Variants in HHLA1 observed in about 807,000 individuals in gnomAD.
The protein encoded by HHLA1 is HERV-H LTR-associating protein 1.
HHLA1 carries 72 observed loss-of-function variants against 69.9 expected under a neutral mutation model. The ratio of observed to expected loss-of-function variants is 1.03; its 90% CI spans 0.85 to 1.25. The LOEUF (loss-of-function observed/expected upper bound fraction) is 1.25, where lower values mean the gene tolerates loss of function less well. Among genes scored for constraint, HHLA1 ranks in the 50% most tolerant of loss-of-function variants. HHLA1 has a pLI of 0.00. For missense variants in HHLA1, 685 were observed against 642.2 expected (o/e 1.07, Z -0.72); for synonymous variants, 252 against 233.2 (o/e 1.08, Z -0.73).
Position 132,078,624 on chromosome 8 carries a change from T to C in HHLA1, c.926-653A>G, listed in dbSNP as rs149344804. ...AGCCTGTGTCTCCTCTATGCCGGGG[T>C]AGGAGCCCTCTCTGTGTTCTCTGTG... is the stretch of plus-strand genomic sequence containing the variant. On this transcript the variant is annotated intron_variant, in intron 11 of 16. Coordinates refer to ENST00000414222, the MANE Select transcript of HHLA1 (RefSeq NM_001145095.3). 5.8e-3 allele frequency among the ~76,000 whole-genome samples: 879 copies of C among 152,284 alleles called. 7 individuals carry two copies. The highest frequency in any genetic ancestry group is 0.031 in the Middle Eastern group (9 of 294).
chr8:132,095,024 C>G (rs544125192), intron 7 of HHLA1, among the ~76,000 whole-genome samples: 1 of 152,322 alleles, frequency 6.6e-6, no homozygotes, highest in African/African-American at 2.4e-5. Flanking sequence ...CTCTTTTAAC[C>G]AACATTCTTC....
chr8:132,074,518 G>A (rs1655423937), intron 14 of HHLA1, among the ~76,000 whole-genome samples: 1 of 152,080 alleles, frequency 6.6e-6, no homozygotes, highest in Admixed American at 6.5e-5. Context: ...AATAGGCCTA[G>A]CATAGTACCT....
At chr8:132,071,574 A>C in intron 14 of HHLA1, 81 bp from the exon 15 acceptor site, 1 of 1,346,530 alleles carries the variant, frequency 7.4e-7, no homozygotes, top group Non-Finnish European at 1.0e-6. Context: ...GCATCAGGTG[A>C]ATATAGTCTT....
chr8:132,105,532 C>T (rs1293044547), intron 1 of HHLA1, among the ~76,000 whole-genome samples: 8 of 152,210 alleles, frequency 5.3e-5, no homozygotes, highest in Non-Finnish European at 8.8e-5. Context: ...CACATAGTCA[C>T]TCAGGGACCC....
At chr8:132,089,683 A>C in intron 7 of HHLA1, 84 bp from the exon 8 acceptor site, 1 of 737,370 alleles carries the variant, frequency 1.4e-6, no homozygotes, top group Non-Finnish European at 2.4e-6. Flanking sequence ...TTTCAGAGTA[A>C]ATTTTACAAG....
intron 7 of HHLA1, among the ~76,000 whole-genome samples, chr8:132,090,444 T>C (rs1347145552): frequency 1.3e-5 from 2 of 152,252 alleles, no homozygotes; most frequent in Admixed American, 6.5e-5. Context: ...TTTCCCATCA[T>C]GCTGTGTAAA....
At chr8:132,064,702 A>C (rs1291994352) in intron 16 of HHLA1, among the ~76,000 whole-genome samples, 1 of 152,216 alleles carries the variant, frequency 6.6e-6, no homozygotes. Flanking sequence ...AACACAGAGA[A>C]GAGCCAGAGA....
At chr8:132,096,407 C>T (rs1321438278) in intron 5 of HHLA1, among the ~76,000 whole-genome samples, 1 of 152,196 alleles carries the variant, frequency 6.6e-6, no homozygotes. Context: ...GTTATCACAT[C>T]AGGTGATATT....
intron 15 of HHLA1, chr8:132,070,228 G>A (rs1787912598): frequency 1.5e-6 from 1 of 672,092 alleles, no homozygotes; most frequent in Non-Finnish European, 2.7e-6. Context: ...TTACAGCCAA[G>A]AATAAATCCC....
intron 10 of HHLA1, among the ~76,000 whole-genome samples, 195 bp downstream of exon 10, chr8:132,087,458 G>T (rs1319779640): frequency 6.6e-6 from 1 of 152,144 alleles, no homozygotes; most frequent in African/African-American, 2.4e-5. Flanking sequence ...GCCATGTGTT[G>T]GGGGGAAGAT....
At chr8:132,099,785 C>T (rs370182400) in intron 4 of HHLA1, among the ~76,000 whole-genome samples, 70 of 151,588 alleles carry the variant, frequency 4.6e-4, no homozygotes, top group African/African-American at 1.5e-3. Flanking sequence ...GCCTGGGAGG[C>T]GGAGGTTGCA....
chr8:132,093,276 T>C (rs1481410527), intron 7 of HHLA1, among the ~76,000 whole-genome samples: 2 of 152,188 alleles, frequency 1.3e-5, no homozygotes, highest in Non-Finnish European at 2.9e-5. Context: ...ATATCAGCTA[T>C]TTCTGGTTTC....
At chr8:132,087,080 A>G (rs1409043632) in intron 10 of HHLA1, among the ~76,000 whole-genome samples, 1 of 152,238 alleles carries the variant, frequency 6.6e-6, no homozygotes, top group African/African-American at 2.4e-5. Context: ...ACCGTAGAAG[A>G]CAAAGACTGA....
chr8:132,067,536 C>T (rs1823462498), intron 15 of HHLA1, among the ~76,000 whole-genome samples: 1 of 152,114 alleles, frequency 6.6e-6, no homozygotes, highest in South Asian at 2.1e-4. Flanking sequence ...CAACAGCTGA[C>T]ATGGCCACTA....
intron 5 of HHLA1, among the ~76,000 whole-genome samples, chr8:132,098,384 A>G (rs992363650): frequency 3.9e-5 from 6 of 152,240 alleles, no homozygotes; most frequent in African/African-American, 1.4e-4. Context: ...CCATGTCTGT[A>G]TTGCAATTCG....
intron 15 of HHLA1, among the ~76,000 whole-genome samples, chr8:132,069,360 T>TTTTG (rs537251659): frequency 9.2e-5 from 14 of 152,294 alleles, no homozygotes; most frequent in Admixed American, 2.6e-4. Flanking sequence ...CCAGTGTTTT[T>TTTTG]TTTGTTTGTT....
At position 132,077,810 on chromosome 8, in the gene HHLA1, C is replaced by T. The variant is rs770080786; in HGVS notation, c.1087G>A (p.Ala363Thr). 1.9e-5 allele frequency: 29 copies of T among 1,551,562 alleles called. No individual in the cohort carries two copies. Among genetic ancestry groups the T allele is most frequent in the Middle Eastern group, 3.3e-4 (2 of 5,992 alleles). The change falls in exon 12 of 17, where the codon GCC becomes ACC. Residue 363 changes from alanine (A) to threonine (T), a missense_variant. By Grantham distance (58) the Ala-to-Thr change is moderately conservative. Coordinates refer to ENST00000414222, the MANE Select transcript of HHLA1 (RefSeq NM_001145095.3). ...GCCAAAAGGCTTGTAGTGTTCATGG[C>T]TTCCTCGGTCCCTGCAGTAGTCGGT... ...SPPTTAGTEE[A>T]MNTTSLLAPA...
At chr8:132,074,538 G>T (rs1161612706) in intron 14 of HHLA1, among the ~76,000 whole-genome samples, 1 of 152,176 alleles carries the variant, frequency 6.6e-6, no homozygotes. Context: ...TGGCAGTACA[G>T]TAGGAGCCCA....
In HHLA1 at chr8:132,105,301, G is replaced by A. The variant is rs752592450; in HGVS notation, c.-21-15C>T. On this transcript the variant is annotated splice_polypyrimidine_tract_variant and intron_variant, in intron 1 of 16. Transcript: ENST00000414222. Reference sequence around the variant, plus strand: ...CTCTGGCCCACCTGGAATGAAGCAAGCAAACACTTAGGAAACTAAGCACAT... The same window carrying A: ...CTCTGGCCCACCTGGAATGAAGCAAACAAACACTTAGGAAACTAAGCACAT... 7.8e-5 allele frequency: 117 copies of A among 1,503,224 alleles called. No homozygotes were observed. Among genetic ancestry groups the A allele is most frequent in the Non-Finnish European group, 1.0e-4 (113 of 1,102,678 alleles). The allele number at this position is 1,503,224 out of a possible 1,614,324, so 93.1% of individuals were successfully genotyped here. A position where few individuals can be genotyped will look rare whatever the true frequency, so the allele number is the denominator to read the frequency against.
Sources: allele counts gnomAD v4.1 joint callset (sites outside exome capture counted in the v4.1 genomes callset), GRCh38; gene constraint gnomAD v4.1.1; transcripts MANE v1.5; gene names NCBI Gene and HGNC (gene_info 2026-07-23, HGNC 2026-07-21).